Variants in TJP1 observed in about 807,000 individuals in gnomAD.
The protein encoded by TJP1 is tight junction protein 1, also known as tight junction protein ZO-1.
TJP1 carries 43 observed loss-of-function variants against 194.2 expected under a neutral mutation model. The observed-to-expected ratio is 0.22, with a 90% CI of 0.17 to 0.29. The LOEUF (loss-of-function observed/expected upper bound fraction) is 0.29. Ranked by LOEUF, TJP1 falls within the 10% of genes least tolerant of loss-of-function variation. The probability of loss-of-function intolerance (pLI) is 1.00; values close to 1 mark genes in which losing one functional copy is unlikely to be tolerated. For synonymous variants in TJP1, 801 were observed against 779.0 expected (o/e 1.03, Z -0.47); for missense variants, 1,971 against 2,185.7 (o/e 0.90, Z 1.96).
At chr15:29,792,647 T>C (rs1239648272) in intron 2 of TJP1, among the ~76,000 whole-genome samples, 1 of 152,192 alleles carries the variant, frequency 6.6e-6, no homozygotes, top group African/African-American at 2.4e-5. Flanking sequence ...AGAATGTCAT[T>C]GGTGTTTTGA....
At chr15:29,927,270 A>G (rs973256776) in intron 2 of TJP1, among the ~76,000 whole-genome samples, 1 of 152,316 alleles carries the variant, frequency 6.6e-6, no homozygotes, top group Middle Eastern at 3.4e-3. Context: ...CAGTGAGCTG[A>G]GATCACAGCA....
chr15:29,903,817 G>GA (rs796146288), intron 2 of TJP1, among the ~76,000 whole-genome samples: 4 of 152,294 alleles, frequency 2.6e-5, no homozygotes, highest in African/African-American at 9.6e-5. Flanking sequence ...GAACTTCGGG[G>GA]AAAAAGCAGC....
At chr15:29,878,371 G>A (rs760842476) in intron 2 of TJP1, among the ~76,000 whole-genome samples, 60 of 152,150 alleles carry the variant, frequency 3.9e-4, no homozygotes, top group Non-Finnish European at 6.9e-4. Context: ...TCAAGAAGCG[G>A]GTTAACTGTG....
chr15:29,868,504 A>C (rs1182667613), intron 2 of TJP1, among the ~76,000 whole-genome samples: 5 of 152,106 alleles, frequency 3.3e-5, no homozygotes, highest in African/African-American at 1.2e-4. Flanking sequence ...TGAATAAATG[A>C]ATCAGGACTG....
At chr15:29,807,653 G>A (rs2049198636) in intron 1 of TJP1, among the ~76,000 whole-genome samples, 2 of 151,994 alleles carry the variant, frequency 1.3e-5, no homozygotes, top group South Asian at 2.1e-4. Context: ...AAAGACATGA[G>A]GGGAGGGGAG....
chr15:29,846,592 A>G (rs2152074937), intron 2 of TJP1, among the ~76,000 whole-genome samples: 1 of 152,264 alleles, frequency 6.6e-6, no homozygotes, highest in South Asian at 2.1e-4. Context: ...GGAGCAGTGG[A>G]AATCTTAAAG....
chr15:29,941,060 C>T (rs2055056224), intron 2 of TJP1, among the ~76,000 whole-genome samples: 1 of 152,128 alleles, frequency 6.6e-6, no homozygotes, highest in South Asian at 2.1e-4. Context: ...TCTCTCTGTT[C>T]TGTGAATGTA....
chr15:29,727,001 G>A lies in TJP1; in HGVS notation c.2101-10C>T. The A allele has an allele frequency of 6.2e-7, 1 of 1,609,888 alleles. No individual in the cohort carries two copies. Among genetic ancestry groups the A allele is most frequent in the Non-Finnish European group, 8.5e-7 (1 of 1,177,374 alleles). On this transcript the variant is annotated splice_polypyrimidine_tract_variant and intron_variant, in intron 16 of 27. Transcript: ENST00000614355. The stretch of plus-strand genomic sequence containing the variant: ...ATAAAGCATGTTTGTCCTAGAAACA[G>A]AAAGAAAAATATATACAAAGACACA...
At chr15:29,875,266 G>A (rs1191082057) in intron 2 of TJP1, among the ~76,000 whole-genome samples, 1 of 152,216 alleles carries the variant, frequency 6.6e-6, no homozygotes, top group African/African-American at 2.4e-5. Context: ...ATAGGCAGAA[G>A]ATAAGCCTCT....
rs543216038 is a variant in TJP1 at position 29,855,877 on chromosome 15, ATAAAG to A, written c.307-55180_307-55176del. On this transcript the variant is annotated intron_variant, in intron 2 of 28. Coordinates refer to the TJP1 transcript ENST00000356107. The stretch of plus-strand genomic sequence containing the variant: ...TCTCAAAGAAAAAAAAAAAAGACTT[ATAAAG>A]TAAACTAATGGGCATAGTGATGACA... Among the ~76,000 whole-genome samples, 4 of 152,202 alleles carry A rather than the reference ATAAAG, an allele frequency of 2.6e-5. No individual in the cohort carries two copies. In the South Asian group the frequency reaches 6.2e-4, roughly 24 times the overall value.
At chr15:29,763,642 C>G (rs554877346) in intron 5 of TJP1, among the ~76,000 whole-genome samples, 2 of 151,736 alleles carry the variant, frequency 1.3e-5, no homozygotes, top group African/African-American at 4.8e-5. Flanking sequence ...TGGTGCACAC[C>G]TATAATCCCA....
intron 2 of TJP1, among the ~76,000 whole-genome samples, chr15:29,909,237 C>T (rs1188004413): frequency 1.3e-5 from 2 of 149,082 alleles, no homozygotes; most frequent in African/African-American, 5.0e-5. Context: ...ACTTGGGAGG[C>T]TAAGGCAGGA....
At chr15:29,766,136 G>C in intron 5 of TJP1, 130 bp downstream of exon 5, 1 of 1,243,566 alleles carries the variant, frequency 8.0e-7, no homozygotes, top group South Asian at 1.5e-5. Context: ...AACAGGATTT[G>C]ACTTACAGTG....
intron 18 of TJP1, among the ~76,000 whole-genome samples, chr15:29,721,387 T>C (rs2042918943): frequency 6.6e-6 from 1 of 152,150 alleles, no homozygotes; most frequent in South Asian, 2.1e-4. Context: ...CCCAACTCTC[T>C]TCCTCCTGCT....
chr15:29,804,404 T>G (rs1356615198), intron 1 of TJP1, among the ~76,000 whole-genome samples: 1 of 152,186 alleles, frequency 6.6e-6, no homozygotes, highest in Non-Finnish European at 1.5e-5. Context: ...AAAATTGATA[T>G]GAGACATTTT....
rs1449509901 is a variant in TJP1, at chr15:29,716,744, T to C, written c.4069A>G (p.Lys1357Glu). ...DPEEDEEYYR[K>E]QLSYFDRRSF... ...CTTCGGTCAAAGTATGACAGCTGTT[T>C]TCGATAATATTCTTCATCTTCTTCA... The change falls in exon 23 of 28, where the codon AAA (lysine) becomes GAA (glutamate). Residue 1357 changes from lysine to glutamate, a missense_variant. This residue lies in a region of TJP1 where 1,108 missense variants were observed against 1,128.5 expected (regional missense o/e 0.98). Coordinates refer to ENST00000614355, the MANE Select transcript of TJP1 (RefSeq NM_001330239.4). 3.1e-6 allele frequency: 5 copies of C among 1,614,056 alleles called. No individual in the cohort carries two copies. Among genetic ancestry groups the C allele is most frequent in the Non-Finnish European group, 4.2e-6 (5 of 1,180,034 alleles).
In TJP1 at chr15:29,720,392, A is replaced by G; in HGVS notation, c.2729T>C (p.Ile910Thr). The change falls in exon 19 of 28, where the codon ATA becomes ACA. Residue 910 changes from isoleucine (I) to threonine (T), a missense_variant. Ile to Thr is a moderately conservative substitution (Grantham distance 89). This residue lies in a region of TJP1 where 1,108 missense variants were observed against 1,128.5 expected (regional missense o/e 0.98). Transcript: ENST00000614355. ...GGCTGGCTTAAATCCAGGGGAGTCT[A>G]TTCTATGAATTGGTTGTGGCTGCGC... ...PQAQPQPIHRIDSPGFKPASQ... is the reference protein window; with the variant it reads ...PQAQPQPIHRTDSPGFKPASQ... 6.2e-7 allele frequency: 1 copy of G among 1,608,294 alleles called. No individual in the cohort carries two copies. The highest frequency in any genetic ancestry group is 8.5e-7 in the Non-Finnish European group (1 of 1,177,016).
chr15:29,727,053 A>G (rs1249078537), intron 16 of TJP1, 62 bp from the exon 17 acceptor site: 80 of 1,500,026 alleles, frequency 5.3e-5, no homozygotes, highest in Non-Finnish European at 6.0e-5. Flanking sequence ...GAATCACCAA[A>G]TTCAGCTGGG....
intron 2 of TJP1, among the ~76,000 whole-genome samples, chr15:29,775,342 T>A (rs957578103): frequency 1.5e-5 from 2 of 137,902 alleles, no homozygotes; most frequent in African/African-American, 5.4e-5. Flanking sequence ...AAAAAAAAAA[T>A]ATGCTGAGGT....
Sources: gnomAD v4.1 joint callset for allele counts (sites outside exome capture counted in the v4.1 genomes callset) on GRCh38, gnomAD v4.1.1 for gene constraint, gnomAD v4.1.1 regional missense constraint, MANE v1.5 for transcripts, NCBI Gene and HGNC (gene_info 2026-07-23, HGNC 2026-07-21) for gene names.